TRAPPC9: variants seen among roughly 807,000 people sequenced by gnomAD.
The protein encoded by TRAPPC9 is IKK2 binding protein.
TRAPPC9 carries 83 observed loss-of-function variants against 124.0 expected under a neutral mutation model. The observed-to-expected ratio is 0.67, with a 90% CI of 0.56 to 0.80. The LOEUF (loss-of-function observed/expected upper bound fraction) is 0.80. TRAPPC9 is among the 30% of genes least tolerant of loss of function. The pLI is 0.00. For missense variants in TRAPPC9, 1,302 were observed against 1,508.3 expected (o/e 0.86, Z 2.27); for synonymous variants, 638 against 617.5 (o/e 1.03, Z -0.49).
At chr8:139,947,291 T>C (rs775179345) in intron 19 of TRAPPC9, among the ~76,000 whole-genome samples, 81 of 152,296 alleles carry the variant, frequency 5.3e-4, no homozygotes, top group Middle Eastern at 3.4e-3. Flanking sequence ...CACCAGGTAC[T>C]AATCTCCATC....
At chr8:140,255,124 T>G (rs7005477) in intron 15 of TRAPPC9, among the ~76,000 whole-genome samples, 3 of 152,258 alleles carry the variant, frequency 2.0e-5, no homozygotes, top group African/African-American at 7.2e-5. Context: ...ACGGCGTTTA[T>G]GTCTCCATGT....
At chr8:140,094,717 C>A (rs934622660) in intron 17 of TRAPPC9, among the ~76,000 whole-genome samples, 12 of 152,180 alleles carry the variant, frequency 7.9e-5, no homozygotes, top group Non-Finnish European at 2.9e-5. Context: ...AGCAAGACAT[C>A]TATGCCGCAA....
intron 21 of TRAPPC9, among the ~76,000 whole-genome samples, chr8:139,744,911 G>C (rs1048637123): frequency 2.6e-5 from 4 of 152,236 alleles, no homozygotes. Flanking sequence ...GACCTGTACA[G>C]CTTGGAGTTC....
chr8:139,856,209 C>A (rs1827789523), intron 21 of TRAPPC9, among the ~76,000 whole-genome samples: 1 of 152,092 alleles, frequency 6.6e-6, no homozygotes, highest in African/African-American at 2.4e-5. Context: ...GGAGGAGAGG[C>A]CTGTGGAGTG....
chr8:139,999,409 CCTAA>C (rs1838248119), intron 18 of TRAPPC9, among the ~76,000 whole-genome samples: 1 of 151,894 alleles, frequency 6.6e-6, no homozygotes. Flanking sequence ...TGTGTATGAA[CCTAA>C]CTATAGAGTT....
intron 5 of TRAPPC9, among the ~76,000 whole-genome samples, chr8:140,424,989 C>T (rs138297425): frequency 2.0e-5 from 3 of 152,296 alleles, no homozygotes; most frequent in Non-Finnish European, 2.9e-5. Flanking sequence ...AATTTTACAA[C>T]CCCTGAGAGA....
At chr8:140,442,455 C>T (rs1432900525) in intron 2 of TRAPPC9, among the ~76,000 whole-genome samples, 2 of 151,714 alleles carry the variant, frequency 1.3e-5, no homozygotes, top group Non-Finnish European at 2.9e-5. Flanking sequence ...AAAAATTAGC[C>T]GGGCGTGGTG....
rs1240255720 is a variant in TRAPPC9 at position 140,287,588 on chromosome 8, C to T, written c.1981+20G>A. 1 of 1,614,002 alleles carries T rather than the reference C, an allele frequency of 6.2e-7. No individual in the cohort carries two copies. The highest frequency in any genetic ancestry group is 1.1e-5 in the South Asian group (1 of 91,072). On this transcript the variant is annotated intron_variant, in intron 13 of 22. Transcript: ENST00000438773. ...TCAGCAGACCCTCCTGAGCAGGAAG[C>T]ATGAAGGGACTCTCCTTACCGTTCA...
intron 17 of TRAPPC9, among the ~76,000 whole-genome samples, chr8:140,042,068 C>T (rs1024939020): frequency 2.6e-5 from 4 of 152,080 alleles, no homozygotes; most frequent in East Asian, 1.9e-4. Flanking sequence ...ACGTTTATGA[C>T]ATAACACTAT....
chr8:140,017,083 T>G (rs1839518235), intron 18 of TRAPPC9, among the ~76,000 whole-genome samples: 1 of 152,236 alleles, frequency 6.6e-6, no homozygotes, highest in Non-Finnish European at 1.5e-5. Flanking sequence ...ATTTGAGAAA[T>G]ATCTGTTCAA....
chr8:139,796,085 A>AAG (rs1823058094), intron 21 of TRAPPC9, among the ~76,000 whole-genome samples: 1 of 106,518 alleles, frequency 9.4e-6, no homozygotes, highest in Non-Finnish European at 1.9e-5. Flanking sequence ...GGAAGAGGAG[A>AAG]AGGAGGAGGA....
At chr8:139,815,435 T>C (rs753431670) in intron 21 of TRAPPC9, among the ~76,000 whole-genome samples, 25 of 151,468 alleles carry the variant, frequency 1.7e-4, no homozygotes, top group Non-Finnish European at 2.9e-4. Context: ...TCACCCAGGC[T>C]GGAGTGCAGT....
chr8:139,983,422 C>G (rs1235722963), intron 19 of TRAPPC9, among the ~76,000 whole-genome samples: 1 of 151,680 alleles, frequency 6.6e-6, no homozygotes, highest in Non-Finnish European at 1.5e-5. Flanking sequence ...TCCTTGGCCC[C>G]CCAGTCCTAG....
chr8:140,154,159 T>C (rs2061592809), intron 17 of TRAPPC9, among the ~76,000 whole-genome samples: 1 of 152,050 alleles, frequency 6.6e-6, no homozygotes, highest in South Asian at 2.1e-4. Flanking sequence ...AGAACACCTT[T>C]CCTTTCCCAC....
chr8:140,164,807 G>A (rs527532661), intron 17 of TRAPPC9, among the ~76,000 whole-genome samples: 1 of 152,272 alleles, frequency 6.6e-6, no homozygotes, highest in East Asian at 1.9e-4. Flanking sequence ...AATCCCTGAT[G>A]TGTGTCCATT....
intron 21 of TRAPPC9, among the ~76,000 whole-genome samples, chr8:139,780,208 T>C (rs1023722704): frequency 2.0e-5 from 3 of 152,118 alleles, no homozygotes; most frequent in African/African-American, 4.8e-5. Context: ...ACTAACACAA[T>C]ATTGAAGGAG....
chr8:140,169,920 T>G (rs1332159100), intron 17 of TRAPPC9, among the ~76,000 whole-genome samples: 1 of 152,056 alleles, frequency 6.6e-6, no homozygotes, highest in Non-Finnish European at 1.5e-5. Flanking sequence ...GCATTTTCTG[T>G]AGAGACGGGG....
intron 17 of TRAPPC9, among the ~76,000 whole-genome samples, chr8:140,038,692 G>A (rs942740731): frequency 3.9e-5 from 6 of 152,168 alleles, no homozygotes; most frequent in Non-Finnish European, 7.3e-5. Flanking sequence ...GCCAGGGTAA[G>A]GTCAAAGCAA....
intron 17 of TRAPPC9, among the ~76,000 whole-genome samples, chr8:140,171,174 G>T (rs1212876933): frequency 6.6e-6 from 1 of 152,100 alleles, no homozygotes; most frequent in Non-Finnish European, 1.5e-5. Context: ...GCTGGGGTTG[G>T]GCATTTCTGG....
Sources: allele counts gnomAD v4.1 joint callset (sites outside exome capture counted in the v4.1 genomes callset), GRCh38; gene constraint gnomAD v4.1.1; transcripts MANE v1.5; gene names NCBI Gene and HGNC (gene_info 2026-07-23, HGNC 2026-07-21).